Variants in DVL1 observed in about 807,000 individuals in gnomAD.
DVL1 encodes the protein segment polarity protein dishevelled homolog DVL-1.
DVL1 carries 49 observed loss-of-function variants against 65.0 expected under a neutral mutation model. That is an observed-to-expected ratio of 0.75 (90% CI 0.60 to 0.96). The LOEUF (loss-of-function observed/expected upper bound fraction) is 0.96. Among genes scored for constraint, DVL1 ranks in the 40% least tolerant of loss-of-function variants. The pLI is 0.00. For synonymous variants in DVL1, 608 were observed against 433.9 expected, an observed-to-expected ratio of 1.40 and a Z score of -4.99; for missense variants, 1,197 against 1,045.4, an observed-to-expected ratio of 1.15 and a Z score of -2.00.
intron 1 of DVL1, among the ~76,000 whole-genome samples, chr1:1,343,428 C>T (rs935360501): frequency 2.6e-5 from 4 of 152,218 alleles, no homozygotes; most frequent in African/African-American, 7.2e-5. Flanking sequence ...CCAGACCAGC[C>T]GCCCACCCCT....
rs1182753234 is a variant in DVL1, at chr1:1,349,061, G to C, written c.5C>G (p.Ala2Gly). ...CATGTGGTAGATAATCTTGGTCTCC[G>C]CCATGGCGCGGCGGCGGCGCGGAGC... MAETKIIYHMDE... is the reference protein window; with the variant it reads MGETKIIYHMDE... Residue 2 changes from alanine to glycine, a missense_variant, in exon 1 of 15, where the codon GCG (alanine) becomes GGG (glycine). Physicochemically the swap from Ala to Gly is moderately conservative, Grantham distance 60. Transcript: ENST00000378888. The surrounding 1 kb of genome is among the most constrained non-coding windows in gnomAD (Gnocchi z 4.1). The C allele has an allele frequency of 1.3e-6, 2 of 1,497,780 alleles. No homozygotes were observed. Among genetic ancestry groups the C allele is most frequent in the Non-Finnish European group, 1.8e-6 (2 of 1,117,258 alleles). The allele number at this position is 1,497,780 out of a possible 1,614,324, so 92.8% of individuals were successfully genotyped here.
chr1:1,340,866 CGCACAGGCACACATGCACACCCCT>C (rs1348872225), intron 5 of DVL1, among the ~76,000 whole-genome samples: 2 of 148,358 alleles, frequency 1.3e-5, no homozygotes, highest in African/African-American at 5.0e-5. Context: ...TGCACCCCTG[CGCACAGGCACACATGCACACCCCT>C]GCACACGCAC....
At position 1,335,697 on chromosome 1, in the gene DVL1, G is replaced by C. The variant is rs554217687; in HGVS notation, c.*445C>G. On this transcript the variant is annotated 3_prime_UTR_variant, in exon 15 of 15. Coordinates refer to ENST00000378888, the MANE Select transcript of DVL1 (RefSeq NM_001330311.2). ...CAGCAGCAGGTGGGACAGATGACAG[G>C]GTCGCCTCCTCCCCCGAGTCACCGG... is the stretch of plus-strand genomic sequence containing the variant. The C allele has an allele frequency of 5.8e-6, 1 of 171,812 alleles. No individual in the cohort carries two copies. The highest frequency in any genetic ancestry group is 1.4e-4 in the South Asian group (1 of 7,322). The allele number at this position is 171,812 out of a possible 1,614,324, so 10.6% of individuals were successfully genotyped here. A position where few individuals can be genotyped will look rare whatever the true frequency, so the allele number is the denominator to read the frequency against.
Position 1,339,643 on chromosome 1 carries a change from G to C in DVL1, c.993C>G (p.Ile331Met), listed in dbSNP as rs769410417. The C allele has an allele frequency of 3.7e-6, 6 of 1,610,718 alleles. No individual in the cohort carries two copies. The highest frequency in any genetic ancestry group is 2.2e-5 in the South Asian group (2 of 90,994). ...CCCAGCACTTGGCCACAGTGAGGCT[G>C]ATGGGCCTGCAGGAACGGTGGTCAC... ...LREIVSQTGP[I>M]SLTVAKCWDP... The change falls in exon 10 of 15, where the codon ATC becomes ATG. Residue 331 changes from isoleucine to methionine, a missense_variant. By Grantham distance (10) the Ile-to-Met change is conservative (BLOSUM62 1). Coordinates refer to ENST00000378888, the MANE Select transcript of DVL1 (RefSeq NM_001330311.2).
chr1:1,339,777 G>C lies in DVL1; in HGVS notation c.945C>G (p.Asp315Glu), dbSNP rs148967371. 2 of 1,612,548 alleles carry C rather than the reference G, an allele frequency of 1.2e-6. No homozygotes were observed. The highest frequency in any genetic ancestry group is 1.7e-6 in the Non-Finnish European group (2 of 1,179,902). Residue 315 changes from aspartate to glutamate, a missense_variant, in exon 9 of 15, where the codon GAC becomes GAG. Asp to Glu is a conservative substitution (Grantham distance 45). Transcript: ENST00000378888. Reference protein sequence around the residue: ...NDVNFENMSNDDAVRVLREIV... With the variant: ...NDVNFENMSNEDAVRVLREIV... ...TCTCCCGCAGCACCCGCACGGCATC[G>C]TCATTGCTCATGTTCTCAAAGTTCA...
Position 1,338,173 on chromosome 1 carries a change from G to T in DVL1, c.1518C>A (p.Thr506=). The T allele has an allele frequency of 6.2e-7, 1 of 1,606,024 alleles. No homozygotes were observed. The highest frequency in any genetic ancestry group is 8.5e-7 in the Non-Finnish European group (1 of 1,176,138). ...CACTGGAGCCACTGTTGAGGTTCAG[G>T]GTGGCGAGATCTGGCGGGGGAGGGT... is the stretch of plus-strand genomic sequence containing the variant. The part of the protein sequence containing the change: ...VFGDLCSNLA[T]LNLNSGSSGT... The change falls in exon 14 of 15, where the codon ACC becomes ACA. Residue 506 remains threonine (T), a synonymous_variant. Transcript: ENST00000378888.
chr1:1,343,762 G>A (rs762935507), intron 1 of DVL1, among the ~76,000 whole-genome samples: 4 of 152,288 alleles, frequency 2.6e-5, no homozygotes, highest in Non-Finnish European at 4.4e-5. Flanking sequence ...CCCAGAGGCC[G>A]CCCACCACCC....
At chr1:1,340,765 C>A (rs750618799) in intron 5 of DVL1, among the ~76,000 whole-genome samples, 2 of 151,834 alleles carry the variant, frequency 1.3e-5, no homozygotes, top group African/African-American at 2.4e-5. Flanking sequence ...CACACCTGCA[C>A]ACACATGCAC....
At chr1:1,345,630 C>T (rs553245231) in intron 1 of DVL1, among the ~76,000 whole-genome samples, 70 of 152,288 alleles carry the variant, frequency 4.6e-4, no homozygotes, top group Non-Finnish European at 6.6e-4. Context: ...AGACCCGCCC[C>T]GGGGAGGAAT....
intron 1 of DVL1, among the ~76,000 whole-genome samples, chr1:1,344,117 G>C (rs549441157): frequency 1.3e-5 from 2 of 152,180 alleles, no homozygotes; most frequent in Non-Finnish European, 2.9e-5. Context: ...GGCTGTGGTC[G>C]ACACTCACAC....
rs762638741 is a variant in DVL1, at chr1:1,338,094, G to A, written c.1597C>T (p.Pro533Ser). The A allele has an allele frequency of 3.7e-5, 59 of 1,610,248 alleles. No individual in the cohort carries two copies. Among genetic ancestry groups the A allele is most frequent in the Non-Finnish European group, 4.2e-6 (5 of 1,178,956 alleles). Residue 533 changes from proline to serine, a missense_variant, in exon 14 of 15, where the codon CCT becomes TCT. Physicochemically the swap from Pro to Ser is moderately conservative, Grantham distance 74. Coordinates refer to ENST00000378888, the MANE Select transcript of DVL1 (RefSeq NM_001330311.2). ...TGGTAGGGGTAGCCCTGACCCAGAG[G>A]CCAGGGGGCAGCCGGGTGGGGCAGC... ...APLPHPAAPW[P>S]LGQGYPYQYP...
At position 1,338,447 on chromosome 1, in the gene DVL1, C is replaced by T. The variant is rs1643667050; in HGVS notation, c.1340-11G>A. On this transcript the variant is annotated splice_polypyrimidine_tract_variant and intron_variant, in intron 12 of 14. Transcript: ENST00000378888. ...CCACCACGTCCGCCCCTGGCCGGCACCAGCGGTCAGCCCGCAGCCTCGAGG... is the reference window on the plus strand; with the variant it reads ...CCACCACGTCCGCCCCTGGCCGGCATCAGCGGTCAGCCCGCAGCCTCGAGG... The T allele has an allele frequency of 6.2e-7, 1 of 1,609,020 alleles. No homozygotes were observed. Among genetic ancestry groups the T allele is most frequent in the Non-Finnish European group, 8.5e-7 (1 of 1,177,170 alleles).
intron 14 of DVL1, 22 bp from the exon 15 acceptor site, chr1:1,336,537 G>C: frequency 6.7e-7 from 1 of 1,490,680 alleles, no homozygotes; most frequent in South Asian, 1.3e-5. Flanking sequence ...AACAGGATGG[G>C]GAAGGAGCCT....
chr1:1,343,962 AG>A (rs1384190993), intron 1 of DVL1, among the ~76,000 whole-genome samples: 3 of 152,144 alleles, frequency 2.0e-5, no homozygotes, highest in African/African-American at 7.2e-5. Flanking sequence ...GCACCCAGGC[AG>A]GCCGCAGAGG....
Position 1,338,300 on chromosome 1 carries a change from C to G in DVL1, c.1476G>C (p.Gln492His). 6.2e-7 allele frequency: 1 copy of G among 1,607,724 alleles called. No homozygotes were observed. The highest frequency in any genetic ancestry group is 8.5e-7 in the Non-Finnish European group (1 of 1,177,252). ...AGAGATCCCCGAAGACGTAGTAGCA[C>G]TGCTCGGAGAAGGTGATCTTGTTGA... The part of the protein sequence containing the change: ...HTVNKITFSE[Q>H]CYYVFGDLCS... Residue 492 changes from glutamine to histidine, a missense_variant, in exon 13 of 15, where the codon CAG becomes CAC. Gln to His is a conservative substitution (Grantham distance 24, BLOSUM62 0). Coordinates refer to ENST00000378888, the MANE Select transcript of DVL1 (RefSeq NM_001330311.2).
rs1247842546 is a variant in DVL1, at chr1:1,338,342, G to A, written c.1434C>T (p.Gly478=). 2 of 1,612,200 alleles carry A rather than the reference G, an allele frequency of 1.2e-6. No homozygotes were observed. Among genetic ancestry groups the A allele is most frequent in the Non-Finnish European group, 1.7e-6 (2 of 1,179,804 alleles). The change falls in exon 13 of 15, where the codon GGC becomes GGT. Residue 478 remains glycine (G), a synonymous_variant. Coordinates refer to ENST00000378888, the MANE Select transcript of DVL1 (RefSeq NM_001330311.2). ...RKYASSLLKH[G]FLRHTVNKIT... ...TCTTGTTGACCGTGTGCCGCAGGAA[G>A]CCGTGCTTCAGCAAGCTGCTGGCGT... is the stretch of plus-strand genomic sequence containing the variant.
rs1643976149 is a variant in DVL1 at position 1,349,130 on chromosome 1, ACCCGCCCGCCCGCCTGCGC to A, written c.-84_-66del. On this transcript the variant is annotated 5_prime_UTR_variant, in exon 1 of 15. An upstream open reading frame in the 5' UTR loses its in-frame stop. Transcript: ENST00000378888. The surrounding 1 kb of genome is among the most constrained non-coding windows in gnomAD (Gnocchi z 4.1). The stretch of plus-strand genomic sequence containing the variant: ...GCCCGGGGCTCGGACGCGGGGCGCT[ACCCGCCCGCCCGCCTGCGC>A]CCCGCCCGGCCCGCACCGCTCTCGG... 4.3e-6 allele frequency: 4 copies of A among 934,660 alleles called. 1 individual carries two copies. In the South Asian group the frequency reaches 1.9e-4, roughly 45 times the overall value. The allele number at this position is 934,660 out of a possible 1,614,324, so 57.9% of individuals were successfully genotyped here. A position where few individuals can be genotyped will look rare whatever the true frequency, so the allele number is the denominator to read the frequency against.
chr1:1,337,220 C>A (rs1437461538), intron 14 of DVL1, among the ~76,000 whole-genome samples: 1 of 152,124 alleles, frequency 6.6e-6, no homozygotes, highest in Non-Finnish European at 1.5e-5. Flanking sequence ...GGCTTCTCTG[C>A]GGTCCCACAC....
chr1:1,340,745 T>TGC (rs1473073003), intron 5 of DVL1, among the ~76,000 whole-genome samples: 1 of 150,392 alleles, frequency 6.6e-6, no homozygotes, highest in Non-Finnish European at 1.5e-5. Flanking sequence ...CTGACACACC[T>TGC]GCACACATGC....
Sources: allele counts gnomAD v4.1 joint callset (sites outside exome capture counted in the v4.1 genomes callset), GRCh38; gene constraint gnomAD v4.1.1; non-coding constraint Gnocchi (gnomAD v3.1); transcripts MANE v1.5; gene names NCBI Gene and HGNC (gene_info 2026-07-23, HGNC 2026-07-21).